ZNF468: variants seen among roughly 807,000 people sequenced by gnomAD.
ZNF468 encodes zinc finger protein 468.
Under a neutral mutation model 7.2 loss-of-function variants are expected in ZNF468, and 8 were observed. That is an observed-to-expected ratio of 1.11 (90% confidence interval 0.65 to 2.01). The LOEUF is 2.01. ZNF468 is among the 30% of genes most tolerant of loss of function. ZNF468 has a pLI of 0.00. For missense variants in ZNF468, 608 were observed against 626.5 expected (o/e 0.97, Z 0.31); for synonymous variants, 218 against 214.4 (o/e 1.02, Z -0.15).
intron 2 of ZNF468, chr19:52,849,593 G>T: frequency 4.9e-6 from 1 of 204,768 alleles, no homozygotes; most frequent in Non-Finnish European, 9.8e-6. Context: ...GTAAAAGATA[G>T]GCTGGGCACA....
intron 2 of ZNF468, among the ~76,000 whole-genome samples, chr19:52,850,284 A>T (rs1009112147): frequency 4.6e-5 from 7 of 152,130 alleles, no homozygotes; most frequent in African/African-American, 1.7e-4. Context: ...CCCATCCTAG[A>T]AGCAGTAATC....
chr19:52,843,120 C>CAAAAA (rs11356842), intron 3 of ZNF468, among the ~76,000 whole-genome samples: 14 of 68,646 alleles, frequency 2.0e-4, no homozygotes, highest in South Asian at 8.9e-4. Context: ...GACTCTGTCT[C>CAAAAA]AAAAAAAAAA....
intron 2 of ZNF468, among the ~76,000 whole-genome samples, chr19:52,853,327 C>T (rs1474058547): frequency 6.6e-6 from 1 of 152,014 alleles, no homozygotes; most frequent in African/African-American, 2.4e-5. Context: ...TGCAGCTTTG[C>T]TTGGAGTTTT....
rs182009074 is a variant in ZNF468, at chr19:52,842,327, G to C, written c.143-176C>G. 2.3e-3 allele frequency among the ~76,000 whole-genome samples: 352 copies of C among 152,220 alleles called. 2 individuals are homozygous for C. Among genetic ancestry groups the C allele is most frequent in the African/African-American group, 8.2e-3 (341 of 41,532 alleles). On this transcript the variant is annotated intron_variant, in intron 3 of 3. Transcript: ENST00000595646. ...TTTAATAAATAAAGGGCGATTACATGTGCTTCAAATCATTTCTATGGAAGC... is the reference window on the plus strand; with the variant it reads ...TTTAATAAATAAAGGGCGATTACATCTGCTTCAAATCATTTCTATGGAAGC...
At chr19:52,856,802 C>T (rs2063444092) in intron 1 of ZNF468, among the ~76,000 whole-genome samples, 1 of 151,872 alleles carries the variant, frequency 6.6e-6, no homozygotes, top group Non-Finnish European at 1.5e-5. Flanking sequence ...CTTGGCAAAT[C>T]CCTCACCCAT....
chr19:52,853,070 T>A (rs1194001743), intron 2 of ZNF468, among the ~76,000 whole-genome samples: 1 of 152,020 alleles, frequency 6.6e-6, no homozygotes, highest in Non-Finnish European at 1.5e-5. Flanking sequence ...TTAGCCAGGA[T>A]GATCTTGATC....
chr19:52,855,879 T>C (rs1207547890), intron 1 of ZNF468, among the ~76,000 whole-genome samples: 1 of 152,266 alleles, frequency 6.6e-6, no homozygotes, highest in Non-Finnish European at 1.5e-5. Flanking sequence ...GGAGGTTCAC[T>C]GGGGCTCAGA....
intron 1 of ZNF468, 24 bp from the exon 2 acceptor site, chr19:52,854,369 T>C: frequency 6.3e-7 from 1 of 1,594,878 alleles, no homozygotes; most frequent in East Asian, 2.2e-5. Context: ...ATATGTTGTT[T>C]ATCACTCAGA....
chr19:52,854,387 C>T, intron 1 of ZNF468, 42 bp from the exon 2 acceptor site: 2 of 1,549,418 alleles, frequency 1.3e-6, no homozygotes, highest in Non-Finnish European at 1.8e-6. Flanking sequence ...AGAATCAACA[C>T]ACCCCCTCCC....
chr19:52,847,455 C>T (rs8106315), intron 3 of ZNF468, among the ~76,000 whole-genome samples: 29,469 of 146,890 alleles, frequency 0.2, 4,614 homozygotes, highest in Admixed American at 0.33. Context: ...TACATCCCCC[C>T]GCCTGACACC....
At chr19:52,852,808 C>A (rs1003381801) in intron 2 of ZNF468, among the ~76,000 whole-genome samples, 1 of 151,886 alleles carries the variant, frequency 6.6e-6, no homozygotes, top group Admixed American at 6.6e-5. Flanking sequence ...TCACACATAG[C>A]CCCAAAAGTA....
intron 1 of ZNF468, among the ~76,000 whole-genome samples, chr19:52,857,178 C>A (rs1386271249): frequency 1.3e-5 from 2 of 151,770 alleles, no homozygotes; most frequent in Non-Finnish European, 2.9e-5. Context: ...GACCACAGAA[C>A]GCAGCCTTCC....
intron 2 of ZNF468, among the ~76,000 whole-genome samples, chr19:52,853,281 A>G (rs1030698073): frequency 2.5e-4 from 38 of 152,142 alleles, no homozygotes; most frequent in African/African-American, 8.0e-4. Context: ...AGGATGTGAC[A>G]GGGAAAGGAG....
chr19:52,854,425 C>A, intron 1 of ZNF468, 80 bp from the exon 2 acceptor site: 1 of 1,397,214 alleles, frequency 7.2e-7, no homozygotes, highest in Non-Finnish European at 9.7e-7. Context: ...ACATAGGAGA[C>A]CTCACCCTGG....
In ZNF468 at chr19:52,841,438, G is replaced by C; in HGVS notation, c.856C>G (p.Leu286Val). The C allele has an allele frequency of 6.2e-7, 1 of 1,613,984 alleles. No homozygotes were observed. The highest frequency in any genetic ancestry group is 8.5e-7 in the Non-Finnish European group (1 of 1,179,946). Residue 286 changes from leucine to valine, a missense_variant, in exon 4 of 4, where the codon CTC becomes GTC. Physicochemically the swap from Leu to Val is conservative, Grantham distance 32. Coordinates refer to ENST00000595646, the MANE Select transcript of ZNF468 (RefSeq NM_001008801.2). ...CGKTFGHNSSLFIHKALHTGE... is the reference protein window; with the variant it reads ...CGKTFGHNSSVFIHKALHTGE... The stretch of plus-strand genomic sequence containing the variant: ...GTATGAAGCGCTTTGTGAATGAAGA[G>C]GGATGAATTATGACCAAAGGTCTTG...
chr19:52,839,548 C>G lies in ZNF468; in HGVS notation c.*1177G>C. The G allele has an allele frequency of 2.0e-6, 1 of 503,906 alleles. No individual in the cohort carries two copies. Among genetic ancestry groups the G allele is most frequent in the South Asian group, 1.5e-5 (1 of 64,772 alleles). 31.2% of individuals were successfully genotyped at this position (503,906 alleles called of 1,614,324 possible). ...TCACTGCATTTGAAACAACTGTCTC[C>G]AAAAGGAATTGTCTGATGGTCTGCA... On this transcript the variant is annotated 3_prime_UTR_variant, in exon 4 of 4. Transcript: ENST00000595646.
intron 1 of ZNF468, among the ~76,000 whole-genome samples, chr19:52,856,006 C>G (rs1216600725): frequency 1.3e-5 from 2 of 152,208 alleles, no homozygotes; most frequent in African/African-American, 2.4e-5. Flanking sequence ...CTTATCATCC[C>G]ATTCTTAAAA....
intron 2 of ZNF468, among the ~76,000 whole-genome samples, chr19:52,852,725 A>T (rs1051246413): frequency 6.6e-6 from 1 of 152,092 alleles, no homozygotes; most frequent in African/African-American, 2.4e-5. Flanking sequence ...TGGGTACTGG[A>T]CTTGATACCG....
At chr19:52,848,593 C>A (rs967264560) in intron 3 of ZNF468, among the ~76,000 whole-genome samples, 3 of 152,110 alleles carry the variant, frequency 2.0e-5, no homozygotes, top group Admixed American at 2.0e-4. Flanking sequence ...CTCTGTCACC[C>A]AGGCTGGAGT....
Sources: gnomAD v4.1 joint callset for allele counts (sites outside exome capture counted in the v4.1 genomes callset) on GRCh38, gnomAD v4.1.1 for gene constraint, MANE v1.5 for transcripts, NCBI Gene and HGNC (gene_info 2026-07-23, HGNC 2026-07-21) for gene names.